XXYLT1: variants seen among roughly 807,000 people sequenced by gnomAD.
XXYLT1 encodes xyloside xylosyltransferase 1.
A neutral mutation model predicts 28.9 loss-of-function variants in XXYLT1; 20 were observed. That is an observed-to-expected ratio of 0.69 (90% CI 0.49 to 1.00). XXYLT1 has a LOEUF of 1.00. XXYLT1 is among the 50% of genes least tolerant of loss of function. XXYLT1 has a pLI of 0.00. For synonymous variants in XXYLT1, 257 were observed against 253.8 expected (o/e 1.01, Z -0.12); for missense variants, 542 against 560.1 (o/e 0.97, Z 0.33).
At chr3:195,089,790 T>C (rs1353620820) in intron 3 of XXYLT1, among the ~76,000 whole-genome samples, 4 of 150,592 alleles carry the variant, frequency 2.7e-5, no homozygotes, top group African/African-American at 9.7e-5. Context: ...CCATCTCACA[T>C]GCAGAGACAC....
In XXYLT1 at chr3:195,235,121, T is replaced by G. The variant is rs774561978; in HGVS notation, c.505-8265A>C. ...TTTTCTCGCTCTCTTGCTTTCTTTT[T>G]TTGAGACAGGGTCTGGCTCTGTCAT... On this transcript the variant is annotated intron_variant, in intron 1 of 3. Transcript: ENST00000310380. Among the ~76,000 whole-genome samples, 212 of 152,144 alleles carry G rather than the reference T, an allele frequency of 1.4e-3. 8 individuals carry two copies. Among genetic ancestry groups the G allele is most frequent in the Non-Finnish European group, 3.8e-4 (26 of 68,020 alleles).
At chr3:195,164,788 A>G (rs113805138) in intron 2 of XXYLT1, among the ~76,000 whole-genome samples, 1,724 of 152,342 alleles carry the variant, frequency 0.011, 32 homozygotes, top group African/African-American at 0.039. Context: ...AACACATTTC[A>G]TGATGGATGT....
chr3:195,118,370 T>C (rs894305639), intron 3 of XXYLT1, among the ~76,000 whole-genome samples: 1 of 152,220 alleles, frequency 6.6e-6, no homozygotes, highest in Non-Finnish European at 1.5e-5. Context: ...AGGAGCCCCA[T>C]GGCCCGTGGC....
chr3:195,109,779 GTGGTGTA>G (rs1717395982), intron 3 of XXYLT1, among the ~76,000 whole-genome samples: 1 of 69,526 alleles, frequency 1.4e-5, no homozygotes. Context: ...GGGTGTGTGT[GTGGTGTA>G]TGTGTGGTGT....
intron 1 of XXYLT1, among the ~76,000 whole-genome samples, chr3:195,238,700 C>T (rs1382313107): frequency 6.6e-6 from 1 of 152,186 alleles, no homozygotes; most frequent in Non-Finnish European, 1.5e-5. Flanking sequence ...TGTGCTTACT[C>T]CTAAGTGTTA....
At chr3:195,186,282 C>A (rs574387142) in intron 2 of XXYLT1, among the ~76,000 whole-genome samples, 1 of 152,172 alleles carries the variant, frequency 6.6e-6, no homozygotes, top group African/African-American at 2.4e-5. Context: ...CACAGAAGAA[C>A]GCATGCAAAA....
intron 3 of XXYLT1, among the ~76,000 whole-genome samples, chr3:195,083,821 T>G (rs1715573178): frequency 1.3e-5 from 2 of 151,376 alleles, no homozygotes; most frequent in Admixed American, 6.6e-5. Context: ...CAGTCAGGAG[T>G]TTGAGACCAG....
chr3:195,089,658 T>A (rs1014879650), intron 3 of XXYLT1, among the ~76,000 whole-genome samples: 2 of 151,412 alleles, frequency 1.3e-5, no homozygotes, highest in Non-Finnish European at 2.9e-5. Context: ...AATGACAGGA[T>A]CAAATTCACA....
At chr3:195,268,941 A>G (rs546774266) in intron 1 of XXYLT1, among the ~76,000 whole-genome samples, 5 of 152,362 alleles carry the variant, frequency 3.3e-5, no homozygotes, top group African/African-American at 1.2e-4. Context: ...ATACAGTCAC[A>G]GCACCAGGGA....
chr3:195,183,926 G>A (rs1291639872), intron 2 of XXYLT1, among the ~76,000 whole-genome samples: 2 of 152,230 alleles, frequency 1.3e-5, no homozygotes, highest in Non-Finnish European at 2.9e-5. Context: ...CCACTTGGCT[G>A]CCCTAGACCA....
intron 2 of XXYLT1, among the ~76,000 whole-genome samples, chr3:195,196,777 T>C (rs77877026): frequency 0.034 from 5,194 of 152,106 alleles, 153 homozygotes; most frequent in East Asian, 0.1. Context: ...CAAATTAAAA[T>C]GCCAAAGTAA....
intron 1 of XXYLT1, among the ~76,000 whole-genome samples, chr3:195,245,817 C>T (rs936889317): frequency 3.9e-5 from 6 of 152,144 alleles, no homozygotes; most frequent in Non-Finnish European, 7.3e-5. Context: ...CACCTCCACC[C>T]GCCTCCACTC....
In XXYLT1 at chr3:195,257,118, C is replaced by T. The variant is rs1272777886; in HGVS notation, c.504+13437G>A. 1.3e-5 allele frequency among the ~76,000 whole-genome samples: 2 copies of T among 152,208 alleles called. No homozygotes were observed. Among genetic ancestry groups the T allele is most frequent in the Admixed American group, 6.5e-5 (1 of 15,288 alleles). On this transcript the variant is annotated intron_variant, in intron 1 of 3. Transcript: ENST00000310380. This position sits in a 1 kb window ranked among gnomAD's most constrained non-coding sequence, Gnocchi z 4.3. ...TTTACAAGCTTGAGGCCTCTGTAAG[C>T]GGCCAAGGACGCCATGTCCCGCAAG...
intron 3 of XXYLT1, among the ~76,000 whole-genome samples, chr3:195,127,848 T>C (rs1409714180): frequency 3.3e-5 from 5 of 152,112 alleles, no homozygotes; most frequent in Admixed American, 3.3e-4. Context: ...AAGTAAGATA[T>C]TTGATTGATC....
chr3:195,229,615 C>T (rs1206225642), intron 1 of XXYLT1, among the ~76,000 whole-genome samples: 4 of 152,214 alleles, frequency 2.6e-5, no homozygotes, highest in Admixed American at 2.6e-4. Flanking sequence ...TTAATTTCTA[C>T]CTCCCACAAA....
At chr3:195,203,884 G>A (rs1452965668) in intron 2 of XXYLT1, among the ~76,000 whole-genome samples, 1 of 152,230 alleles carries the variant, frequency 6.6e-6, no homozygotes, top group East Asian at 1.9e-4. Context: ...GAAGGTGGGG[G>A]CATCAGTTGA....
At chr3:195,113,006 C>T (rs996981489) in intron 3 of XXYLT1, among the ~76,000 whole-genome samples, 4 of 152,270 alleles carry the variant, frequency 2.6e-5, no homozygotes, top group Non-Finnish European at 4.4e-5. Flanking sequence ...CCTCACTCGC[C>T]GTGCCATCCC....
At chr3:195,250,887 C>T (rs1329360122) in intron 1 of XXYLT1, among the ~76,000 whole-genome samples, 2 of 152,126 alleles carry the variant, frequency 1.3e-5, no homozygotes, top group African/African-American at 4.8e-5. Context: ...TAGTAGATGC[C>T]CAGGCTGAAT....
intron 3 of XXYLT1, among the ~76,000 whole-genome samples, chr3:195,143,797 T>TATATATATATAG (rs1399263192): frequency 9.3e-6 from 1 of 107,250 alleles, no homozygotes; most frequent in African/African-American, 3.5e-5. Context: ...TATATATATA[T>TATATATATATAG]ATAGATAGAT....
Sources: allele counts gnomAD v4.1 joint callset (sites outside exome capture counted in the v4.1 genomes callset), GRCh38; gene constraint gnomAD v4.1.1; non-coding constraint Gnocchi (gnomAD v3.1); transcripts MANE v1.5; gene names NCBI Gene and HGNC (gene_info 2026-07-23, HGNC 2026-07-21).